The following CNTN4 variants were observed in gnomAD, a reference collection of about 807,000 sequenced individuals.
CNTN4 encodes the protein contactin 4, also known as contactin-4.
Under a neutral mutation model 122.5 loss-of-function variants are expected in CNTN4, and 77 were observed. The ratio of observed to expected loss-of-function variants is 0.63; its 90% confidence interval spans 0.52 to 0.76. The LOEUF is 0.76. CNTN4 is among the 30% of genes least tolerant of loss of function. The probability of loss-of-function intolerance (pLI) is 0.00; values close to 1 mark genes in which losing one functional copy is unlikely to be tolerated. For missense variants in CNTN4, 1,256 were observed against 1,259.1 expected, an observed-to-expected ratio of 1.00 and a Z score of 0.04; for synonymous variants, 512 against 447.0, an observed-to-expected ratio of 1.15 and a Z score of -1.83.
chr3:2,128,581 A>AT (rs1244656651), intron 2 of CNTN4, among the ~76,000 whole-genome samples: 1 of 152,154 alleles, frequency 6.6e-6, no homozygotes, highest in Non-Finnish European at 1.5e-5. Context: ...ACTAAGACAG[A>AT]TTTTGTCAAA....
chr3:2,590,105 G>C (rs773498842), intron 4 of CNTN4, among the ~76,000 whole-genome samples: 1 of 152,128 alleles, frequency 6.6e-6, no homozygotes, highest in Non-Finnish European at 1.5e-5. Context: ...ACAAACTGTC[G>C]TCAGTTCTTA....
At position 2,287,665 on chromosome 3, in the gene CNTN4, A is replaced by G. The variant is rs1485227990; in HGVS notation, c.-144-51513A>G. Reference sequence around the variant, plus strand: ...GAAGAAGAAGAAGAAGAAGAAGAAGAAGAAGAAGAAGAAGAAGAAGAAGAA... The same window carrying G: ...GAAGAAGAAGAAGAAGAAGAAGAAGGAGAAGAAGAAGAAGAAGAAGAAGAA... On this transcript the variant is annotated intron_variant, in intron 2 of 24. Coordinates refer to ENST00000418658, the MANE Select transcript of CNTN4 (RefSeq NM_175607.3). 3.5e-4 allele frequency among the ~76,000 whole-genome samples: 14 copies of G among 39,602 alleles called. 1 individual carries two copies. Among genetic ancestry groups the G allele is most frequent in the Non-Finnish European group, 4.6e-4 (8 of 17,474 alleles). The allele number at this position is 39,602 out of a possible 152,430, so 26.0% of individuals were successfully genotyped here. A position where few individuals can be genotyped will look rare whatever the true frequency, so the allele number is the denominator to read the frequency against.
At chr3:2,610,690 G>A (rs13101100) in intron 4 of CNTN4, among the ~76,000 whole-genome samples, 14,555 of 152,144 alleles carry the variant, frequency 0.096, 943 homozygotes, top group Non-Finnish European at 0.14. Context: ...TTTAATTTGT[G>A]TTAGTTTGAG....
At position 2,390,212 on chromosome 3, in the gene CNTN4, A is replaced by AGTG. The variant is rs1559511337; in HGVS notation, c.-89+50979_-89+50980insGTG. 1.6e-3 allele frequency among the ~76,000 whole-genome samples: 181 copies of AGTG among 115,454 alleles called. 1 individual carries two copies. Among genetic ancestry groups the AGTG allele is most frequent in the African/African-American group, 6.0e-3 (166 of 27,638 alleles). The allele number at this position is 115,454 out of a possible 152,430, so 75.7% of individuals were successfully genotyped here. ...CTTACTGTCAATGGGTTTAGGAAAAAAGAGTGTGTGTGTGTGTGTGTGTGT... is the reference window on the plus strand; with the variant it reads ...CTTACTGTCAATGGGTTTAGGAAAAAGTGAGAGTGTGTGTGTGTGTGTGTGTGT... On this transcript the variant is annotated intron_variant, in intron 3 of 24. Coordinates refer to ENST00000418658, the MANE Select transcript of CNTN4 (RefSeq NM_175607.3).
chr3:2,867,053 T>C (rs1419859665), intron 8 of CNTN4, 104 bp downstream of exon 8: 15 of 1,076,458 alleles, frequency 1.4e-5, no homozygotes, highest in Admixed American at 1.9e-5. Context: ...CTAAATTAAA[T>C]GTAAGAAAAG....
chr3:2,130,692 G>A (rs2034409187), intron 2 of CNTN4, among the ~76,000 whole-genome samples: 1 of 152,104 alleles, frequency 6.6e-6, no homozygotes, highest in Non-Finnish European at 1.5e-5. Context: ...AAGTTTTGTG[G>A]GATCCCTAGA....
intron 2 of CNTN4, among the ~76,000 whole-genome samples, chr3:2,177,012 C>T (rs6442718): frequency 0.28 from 42,901 of 151,948 alleles, 7,681 homozygotes; most frequent in Non-Finnish European, 0.41. Flanking sequence ...AAAAAAATCA[C>T]TCAAGAGTCA....
chr3:2,255,345 A>G (rs1033108859), intron 2 of CNTN4, among the ~76,000 whole-genome samples: 3 of 152,144 alleles, frequency 2.0e-5, no homozygotes, highest in African/African-American at 7.2e-5. Context: ...GTGAGACTTT[A>G]ACACCCCACT....
intron 6 of CNTN4, among the ~76,000 whole-genome samples, chr3:2,770,111 C>G (rs552605739): frequency 6.6e-6 from 1 of 152,032 alleles, no homozygotes; most frequent in East Asian, 1.9e-4. Flanking sequence ...CTCACTGCAA[C>G]CTCCAACTCC....
chr3:2,840,844 C>G (rs2093350665), intron 7 of CNTN4, among the ~76,000 whole-genome samples: 1 of 152,062 alleles, frequency 6.6e-6, no homozygotes, highest in African/African-American at 2.4e-5. Context: ...TAATAGTAGT[C>G]TAGCAATTTG....
chr3:2,894,339 G>T (rs1178966046), intron 10 of CNTN4, among the ~76,000 whole-genome samples: 2 of 152,172 alleles, frequency 1.3e-5, no homozygotes, highest in Admixed American at 6.5e-5. Context: ...ACATTCAAAA[G>T]AATGCTACCA....
chr3:2,985,354 C>G (rs192232338), intron 13 of CNTN4: 1 of 152,352 alleles, frequency 6.6e-6, no homozygotes. Flanking sequence ...ATCTCTTATT[C>G]TTTCTTTATT....
chr3:2,582,196 A>G (rs2079975169), intron 4 of CNTN4, among the ~76,000 whole-genome samples: 1 of 152,254 alleles, frequency 6.6e-6, no homozygotes, highest in Non-Finnish European at 1.5e-5. Context: ...GGAGAAAAAA[A>G]GTACTACTGT....
chr3:2,209,648 G>A (rs746619248), intron 2 of CNTN4, among the ~76,000 whole-genome samples: 13 of 151,632 alleles, frequency 8.6e-5, no homozygotes, highest in Non-Finnish European at 1.8e-4. Flanking sequence ...TAGCTGGGGA[G>A]ATGCACAGCT....
chr3:2,624,955 A>G (rs2082127662), intron 4 of CNTN4, among the ~76,000 whole-genome samples: 1 of 152,038 alleles, frequency 6.6e-6, no homozygotes. Context: ...TTTTAGCTGT[A>G]CTACTTAATT....
intron 3 of CNTN4, among the ~76,000 whole-genome samples, chr3:2,438,107 A>G (rs1019288312): frequency 1.3e-5 from 2 of 152,188 alleles, no homozygotes; most frequent in African/African-American, 2.4e-5. Flanking sequence ...GACCTCCGCA[A>G]GGTCATAGAC....
chr3:2,376,730 C>T lies in CNTN4; in HGVS notation c.-89+37497C>T, dbSNP rs1368434290. On this transcript the variant is annotated intron_variant, in intron 3 of 24. Transcript: ENST00000418658. Reference sequence around the variant, plus strand: ...AGGTCAGGTTAACATATAATATGCTCTGCTATTTCCACTTTTGATATTTGC... The same window carrying T: ...AGGTCAGGTTAACATATAATATGCTTTGCTATTTCCACTTTTGATATTTGC... Among the ~76,000 whole-genome samples, 8 of 150,198 alleles carry T rather than the reference C, an allele frequency of 5.3e-5. No individual in the cohort carries two copies. In the East Asian group the frequency reaches 1.6e-3, roughly 29 times the overall value.
In CNTN4 at chr3:2,385,946, C is replaced by T. The variant is rs775261988; in HGVS notation, c.-89+46713C>T. Among the ~76,000 whole-genome samples, 6 of 152,016 alleles carry T rather than the reference C, an allele frequency of 3.9e-5. No individual in the cohort carries two copies. Among genetic ancestry groups the T allele is most frequent in the African/African-American group, 7.2e-5 (3 of 41,402 alleles). On this transcript the variant is annotated intron_variant, in intron 3 of 24. Coordinates refer to ENST00000418658, the MANE Select transcript of CNTN4 (RefSeq NM_175607.3). The surrounding 1 kb of genome is among the most constrained non-coding windows in gnomAD (Gnocchi z 4.0). ...AATACATGCATTCTCACTCAGCAGT[C>T]GCTCCCGAGAATCCTTCTTTTTATG...
At chr3:2,977,847 T>C (rs1693573511) in intron 13 of CNTN4, among the ~76,000 whole-genome samples, 1 of 152,184 alleles carries the variant, frequency 6.6e-6, no homozygotes, top group African/African-American at 2.4e-5. Context: ...CTGGATTGCA[T>C]AGGCCCTAAT....
Sources: allele counts gnomAD v4.1 joint callset (sites outside exome capture counted in the v4.1 genomes callset), GRCh38; gene constraint gnomAD v4.1.1; non-coding constraint Gnocchi (gnomAD v3.1); transcripts MANE v1.5; gene names NCBI Gene and HGNC (gene_info 2026-07-23, HGNC 2026-07-21).